The following CSMD1 variants were observed in gnomAD, a reference collection of about 807,000 sequenced individuals.
The protein encoded by CSMD1 is CUB and sushi domain-containing protein 1.
In CSMD1, 213 loss-of-function variants were observed where a neutral mutation model predicts 417.5. That is an observed-to-expected ratio of 0.51 (90% CI 0.46 to 0.57). The LOEUF is 0.57. Among genes scored for constraint, CSMD1 ranks in the 20% least tolerant of loss-of-function variants. The pLI is 0.00. For missense variants in CSMD1, 6,923 were observed against 4,529.7 expected, an observed-to-expected ratio of 1.53 and a Z score of -15.17; for synonymous variants, 2,862 against 1,736.8, an observed-to-expected ratio of 1.65 and a Z score of -16.11.
chr8:4,482,780 T>C (rs1422475656), intron 2 of CSMD1, among the ~76,000 whole-genome samples: 1 of 152,210 alleles, frequency 6.6e-6, no homozygotes, highest in Admixed American at 6.5e-5. Context: ...TTGTTTAAAA[T>C]AGCCATTCTG....
At chr8:3,883,648 CTGA>C (rs1806361563) in intron 5 of CSMD1, among the ~76,000 whole-genome samples, 1 of 152,050 alleles carries the variant, frequency 6.6e-6, no homozygotes, top group Non-Finnish European at 1.5e-5. Context: ...ATATCAATTA[CTGA>C]TATTATTAAT....
intron 7 of CSMD1, among the ~76,000 whole-genome samples, chr8:3,621,062 G>C (rs892864601): frequency 2.0e-5 from 3 of 152,142 alleles, no homozygotes; most frequent in East Asian, 1.9e-4. Flanking sequence ...ATAAAGGAAA[G>C]TCCATGTGAA....
At chr8:3,104,778 G>A (rs1189871458) in intron 46 of CSMD1, among the ~76,000 whole-genome samples, 1 of 151,138 alleles carries the variant, frequency 6.6e-6, no homozygotes, top group Non-Finnish European at 1.5e-5. Flanking sequence ...CAAGATCTCG[G>A]CTCACTGCAA....
At chr8:3,407,836 G>T in intron 14 of CSMD1, 63 bp downstream of exon 14, 7 of 1,410,698 alleles carry the variant, frequency 5.0e-6, no homozygotes, top group Non-Finnish European at 6.7e-6. Flanking sequence ...ATACATATAA[G>T]CAAAATGGGA....
chr8:3,381,588 T>G (rs1317983116), intron 18 of CSMD1, among the ~76,000 whole-genome samples: 1 of 152,084 alleles, frequency 6.6e-6, no homozygotes. Flanking sequence ...AATATTTGCA[T>G]CGTCTATATG....
chr8:4,199,535 G>T lies in CSMD1; in HGVS notation c.416-167436C>A, dbSNP rs1421314284. 2.6e-5 allele frequency among the ~76,000 whole-genome samples: 4 copies of T among 152,150 alleles called. No individual in the cohort carries two copies. In the South Asian group the frequency reaches 8.3e-4, roughly 32 times the overall value. ...TTCATTTAAATATAAGCGATCATCA[G>T]TATTGAATCCTCTCGGCTACCAAAG... is the stretch of plus-strand genomic sequence containing the variant. On this transcript the variant is annotated intron_variant, in intron 3 of 69. Coordinates refer to ENST00000635120, the MANE Select transcript of CSMD1 (RefSeq NM_033225.6).
At chr8:3,883,399 T>C (rs1333604615) in intron 5 of CSMD1, among the ~76,000 whole-genome samples, 1 of 152,062 alleles carries the variant, frequency 6.6e-6, no homozygotes, top group Non-Finnish European at 1.5e-5. Flanking sequence ...TTAAACTGGG[T>C]GTATGTGTGT....
chr8:3,625,766 T>C (rs1796460933), intron 7 of CSMD1, among the ~76,000 whole-genome samples: 1 of 152,156 alleles, frequency 6.6e-6, no homozygotes, highest in African/African-American at 2.4e-5. Context: ...CTCAGTAGTT[T>C]TGAACACTGC....
chr8:4,448,498 G>A (rs188687899), intron 2 of CSMD1, among the ~76,000 whole-genome samples: 64 of 152,290 alleles, frequency 4.2e-4, no homozygotes, highest in Non-Finnish European at 7.5e-4. Context: ...AGGAAGCTCA[G>A]TCATTTTAAG....
chr8:4,149,066 C>T (rs181234011), intron 3 of CSMD1, among the ~76,000 whole-genome samples: 36 of 151,926 alleles, frequency 2.4e-4, no homozygotes, highest in African/African-American at 7.2e-4. Flanking sequence ...CAGGTTCAAG[C>T]GATTCTCCTG....
chr8:4,457,728 G>A (rs1433253695), intron 2 of CSMD1, among the ~76,000 whole-genome samples: 1 of 152,226 alleles, frequency 6.6e-6, no homozygotes, highest in South Asian at 2.1e-4. Flanking sequence ...TCCTTCATGT[G>A]CTCCTCTGTA....
At chr8:4,163,985 G>C (rs561227108) in intron 3 of CSMD1, among the ~76,000 whole-genome samples, 4 of 152,178 alleles carry the variant, frequency 2.6e-5, no homozygotes, top group South Asian at 4.1e-4. Context: ...ATGTGGGATT[G>C]AGGAATAATC....
At position 3,308,480 on chromosome 8, in the gene CSMD1, C is replaced by T. The variant is rs1238588602; in HGVS notation, c.3655G>A (p.Asp1219Asn). Residue 1219 changes from aspartate to asparagine, a missense_variant, in exon 24 of 70, where the codon GAT becomes AAT. Physicochemically the swap from Asp to Asn is conservative, Grantham distance 23. Coordinates refer to ENST00000635120, the MANE Select transcript of CSMD1 (RefSeq NM_033225.6). ...YTSFDLVKCE[D>N]PGIPNYGYRI... is the part of the protein sequence containing the mutation. ...TAGCCGTAGTTAGGGATGCCCGGATCCTCACATTTTACCAGATCAAAACCT... is the reference window on the plus strand; with the variant it reads ...TAGCCGTAGTTAGGGATGCCCGGATTCTCACATTTTACCAGATCAAAACCT... 2 of 1,612,936 alleles carry T rather than the reference C, an allele frequency of 1.2e-6. No homozygotes were observed. Among genetic ancestry groups the T allele is most frequent in the South Asian group, 1.1e-5 (1 of 90,934 alleles).
At chr8:3,646,253 T>C (rs150821064) in intron 7 of CSMD1, among the ~76,000 whole-genome samples, 4 of 152,282 alleles carry the variant, frequency 2.6e-5, no homozygotes, top group African/African-American at 4.8e-5. Flanking sequence ...AAACGTGATA[T>C]GCTGAGATGT....
intron 5 of CSMD1, among the ~76,000 whole-genome samples, chr8:3,769,392 CA>C (rs1423971386): frequency 1.3e-5 from 2 of 150,842 alleles, no homozygotes; most frequent in Non-Finnish European, 3.0e-5. Flanking sequence ...TGTTAAAAAG[CA>C]TTCAATGACA....
chr8:4,082,594 C>T (rs1014027435), intron 3 of CSMD1, among the ~76,000 whole-genome samples: 3 of 147,658 alleles, frequency 2.0e-5, no homozygotes, highest in Admixed American at 1.3e-4. Context: ...AGAAAAAAAC[C>T]TTTCTTTTTT....
At chr8:3,966,720 TTC>T (rs1812697456) in intron 5 of CSMD1, among the ~76,000 whole-genome samples, 1 of 140,384 alleles carries the variant, frequency 7.1e-6, no homozygotes, top group Non-Finnish European at 1.5e-5. Flanking sequence ...GCTGCAGGCA[TTC>T]ACACACACAG....
chr8:3,014,821 T>C (rs535762446), intron 52 of CSMD1, among the ~76,000 whole-genome samples: 1 of 152,072 alleles, frequency 6.6e-6, no homozygotes, highest in South Asian at 2.1e-4. Context: ...GAGGCTGAGG[T>C]GGGAGGAGCA....
rs765904838 is a variant in CSMD1 at position 4,912,135 on chromosome 8, A to AAAAAAAAAAG, written c.85+82196_85+82197insCTTTTTTTTT. On this transcript the variant is annotated intron_variant, in intron 1 of 69. Transcript: ENST00000635120. ...TCAACATAGCTTCAAAAAAAAAAAAAAAAAAAGAAAGAAAGAAAAGAAAAG... is the reference window on the plus strand; with the variant it reads ...TCAACATAGCTTCAAAAAAAAAAAAAAAAAAAAAAGAAAAAAGAAAGAAAGAAAAGAAAAG... 1.9e-4 allele frequency among the ~76,000 whole-genome samples: 22 copies of AAAAAAAAAAG among 115,634 alleles called. 1 individual carries two copies. The highest frequency in any genetic ancestry group is 2.9e-4 in the Non-Finnish European group (15 of 52,510). 75.9% of individuals were successfully genotyped at this position (115,634 alleles called of 152,430 possible).
Sources: allele counts gnomAD v4.1 joint callset (sites outside exome capture counted in the v4.1 genomes callset), GRCh38; gene constraint gnomAD v4.1.1; transcripts MANE v1.5; gene names NCBI Gene and HGNC (gene_info 2026-07-23, HGNC 2026-07-21).